The following CNTRL variants were observed in gnomAD, a reference collection of about 807,000 sequenced individuals.
CNTRL encodes the protein centriolin.
In CNTRL, 233 loss-of-function variants were observed where a neutral mutation model predicts 303.7. That is an observed-to-expected ratio of 0.77 (90% confidence interval 0.69 to 0.86). The LOEUF is 0.86. CNTRL is among the 40% of genes least tolerant of loss of function. The pLI is 0.00. For missense variants in CNTRL, 2,524 were observed against 2,650.6 expected, an observed-to-expected ratio of 0.95 and a Z score of 1.05; for synonymous variants, 900 against 922.2, an observed-to-expected ratio of 0.98 and a Z score of 0.44.
rs2052347666 is a variant in CNTRL at position 121,152,685 on chromosome 9, A to G, written c.4164A>G (p.Gln1388=). 6.2e-7 allele frequency: 1 copy of G among 1,602,130 alleles called. No individual in the cohort carries two copies. The highest frequency in any genetic ancestry group is 2.2e-5 in the East Asian group (1 of 44,798). Residue 1388 remains glutamine, a synonymous_variant, in exon 26 of 44, where the codon CAA becomes CAG. Transcript: ENST00000373855. ...TACATAGAACTGTCCAGAAACGTCA[A>G]CAGCAAAAGTAATTAATATATTTTT... ...EELHRTVQKR[Q]QQKDFIDGNV... is the part of the protein sequence containing the mutation.
At position 121,158,021 on chromosome 9, in the gene CNTRL, G is replaced by A. The variant is rs781064546; in HGVS notation, c.4676G>A (p.Arg1559His). ...KLQKDIEMAERNEDHHLQVLK... is the reference protein window; with the variant it reads ...KLQKDIEMAEHNEDHHLQVLK... The stretch of plus-strand genomic sequence containing the variant: ...CAGAAAGACATAGAGATGGCAGAAC[G>A]CAATGAGGATCACCACCTGCAGGTC... Residue 1559 changes from arginine (R) to histidine (H), a missense_variant, in exon 30 of 44, where the codon CGC (arginine) becomes CAC (histidine). By Grantham distance (29) the Arg-to-His change is conservative. Transcript: ENST00000373855. 25 of 1,613,950 alleles carry A rather than the reference G, an allele frequency of 1.5e-5. No homozygotes were observed. The highest frequency in any genetic ancestry group is 4.4e-5 in the South Asian group (4 of 91,076).
intron 26 of CNTRL, among the ~76,000 whole-genome samples, chr9:121,153,125 C>T (rs2052374124): frequency 6.6e-6 from 1 of 152,162 alleles, no homozygotes; most frequent in South Asian, 2.1e-4. Flanking sequence ...AAACTGGTCC[C>T]TTTCTGTCAT....
intron 10 of CNTRL, among the ~76,000 whole-genome samples, chr9:121,114,648 GGA>G (rs977546480): frequency 3.9e-5 from 6 of 152,062 alleles, no homozygotes; most frequent in Admixed American, 6.6e-5. Context: ...TCAACAGCTG[GGA>G]GAGAGAGCTC....
chr9:121,135,152 G>A (rs115196592), intron 14 of CNTRL, among the ~76,000 whole-genome samples: 65 of 152,260 alleles, frequency 4.3e-4, no homozygotes, highest in South Asian at 4.1e-3. Flanking sequence ...CAGAACCATG[G>A]TATGCTAATA....
At chr9:121,083,741 A>G (rs1264165422) in intron 2 of CNTRL, among the ~76,000 whole-genome samples, 3 of 152,254 alleles carry the variant, frequency 2.0e-5, no homozygotes, top group Non-Finnish European at 4.4e-5. Context: ...AGGCTTGTGT[A>G]CACCTTGTAG....
Position 121,168,567 on chromosome 9 carries a change from A to G in CNTRL, c.6070+246A>G, listed in dbSNP as rs569490191. Reference sequence around the variant, plus strand: ...TCTCCTTTGAGAATGCCATCTCAAGAAAGTGGAACATTCACGTGAATAATT... The same window carrying G: ...TCTCCTTTGAGAATGCCATCTCAAGGAAGTGGAACATTCACGTGAATAATT... On this transcript the variant is annotated intron_variant, in intron 38 of 43. Coordinates refer to ENST00000373855, the MANE Select transcript of CNTRL (RefSeq NM_007018.6). Among the ~76,000 whole-genome samples the G allele has an allele frequency of 9.2e-5, 14 of 152,334 alleles. No homozygotes were observed. The South Asian group carries it at 2.7e-3, about 29-fold the overall frequency.
Position 121,169,641 on chromosome 9 carries a change from T to G in CNTRL, c.6101T>G (p.Leu2034Trp). ...CAGCTTTCAGAAAGGGAGCAGCAATTGGTGGAGAAATCAGGTGAGCTGTTG... is the reference window on the plus strand; with the variant it reads ...CAGCTTTCAGAAAGGGAGCAGCAATGGGTGGAGAAATCAGGTGAGCTGTTG... ...KRQLSEREQQ[L>W]VEKSGELLAL... is the part of the protein sequence containing the mutation. The change falls in exon 39 of 44, where the codon TTG becomes TGG. Residue 2034 changes from leucine (L) to tryptophan (W), a missense_variant. Transcript: ENST00000373855. The G allele has an allele frequency of 1.2e-6, 2 of 1,614,140 alleles. No individual in the cohort carries two copies. The highest frequency in any genetic ancestry group is 1.7e-6 in the Non-Finnish European group (2 of 1,180,026).
chr9:121,151,259 C>G (rs2052225717), intron 25 of CNTRL, among the ~76,000 whole-genome samples: 1 of 151,836 alleles, frequency 6.6e-6, no homozygotes, highest in Non-Finnish European at 1.5e-5. Context: ...ATTTTAATGA[C>G]TGTACAACAT....
At chr9:121,083,832 T>C (rs778087147) in intron 2 of CNTRL, among the ~76,000 whole-genome samples, 12 of 152,246 alleles carry the variant, frequency 7.9e-5, no homozygotes, top group Non-Finnish European at 1.5e-4. Flanking sequence ...ATATATGATG[T>C]TACTAAGTTA....
intron 14 of CNTRL, among the ~76,000 whole-genome samples, chr9:121,128,579 C>G (rs1488434609): frequency 6.6e-6 from 1 of 152,128 alleles, no homozygotes; most frequent in Non-Finnish European, 1.5e-5. Context: ...AATTTTCTCC[C>G]ATTCTGTAGG....
chr9:121,152,689 C>T lies in CNTRL; in HGVS notation c.4168C>T (p.Gln1390Ter), dbSNP rs745639587. 6.3e-7 allele frequency: 1 copy of T among 1,595,384 alleles called. No individual in the cohort carries two copies. Among genetic ancestry groups the T allele is most frequent in the Admixed American group, 1.7e-5 (1 of 58,740 alleles). ...TAGAACTGTCCAGAAACGTCAACAG[C>T]AAAAGTAATTAATATATTTTTTATA... Reference protein sequence around the residue: ...LHRTVQKRQQQKDFIDGNVES... With the variant: ...LHRTVQKRQQ Residue 1390 changes from glutamine to a stop codon, truncating the protein, a stop_gained, in exon 26 of 44, where the codon CAA becomes TAA. Transcript: ENST00000373855. LOFTEE classifies it high-confidence loss of function.
intron 14 of CNTRL, 122 bp downstream of exon 14, chr9:121,126,058 AT>A: frequency 2.8e-6 from 2 of 716,330 alleles, no homozygotes; most frequent in East Asian, 2.8e-5. Flanking sequence ...CTATATGGTG[AT>A]TTTTTTCTTT....
chr9:121,173,586 G>T (rs1488797915), intron 41 of CNTRL, 77 bp downstream of exon 41: 1 of 1,609,482 alleles, frequency 6.2e-7, no homozygotes, highest in East Asian at 2.2e-5. Flanking sequence ...ACAGATGTGG[G>T]GGTGCTGGGG....
chr9:121,157,534 C>T lies in CNTRL; in HGVS notation c.4430C>T (p.Ala1477Val). The T allele has an allele frequency of 3.7e-6, 6 of 1,614,052 alleles. No individual in the cohort carries two copies. The highest frequency in any genetic ancestry group is 2.2e-5 in the South Asian group (2 of 91,078). Residue 1477 changes from alanine (A) to valine (V), a missense_variant, in exon 28 of 44, where the codon GCT (alanine) becomes GTT (valine). By Grantham distance (64) the Ala-to-Val change is moderately conservative (BLOSUM62 0). Coordinates refer to ENST00000373855, the MANE Select transcript of CNTRL (RefSeq NM_007018.6). ...AGTTTATTGCAAACTGAGTCAGATG[C>T]TGAGGAATTAGAAAGGAGAGCTCAG... is the stretch of plus-strand genomic sequence containing the variant. The part of the protein sequence containing the change: ...KRSLLQTESD[A>V]EELERRAQET...
At chr9:121,085,115 A>C (rs1010770081) in intron 2 of CNTRL, among the ~76,000 whole-genome samples, 4 of 152,216 alleles carry the variant, frequency 2.6e-5, no homozygotes, top group Non-Finnish European at 5.9e-5. Context: ...GACAAATATG[A>C]ATGGATTTCA....
chr9:121,116,842 C>G (rs935130521), intron 11 of CNTRL, among the ~76,000 whole-genome samples: 3 of 152,048 alleles, frequency 2.0e-5, no homozygotes, highest in Non-Finnish European at 4.4e-5. Context: ...CCAGCTGATT[C>G]CAGGAAACAC....
At position 121,162,090 on chromosome 9, in the gene CNTRL, C is replaced by T. The variant is rs2052879406; in HGVS notation, c.5242C>T (p.Gln1748Ter). 6.2e-7 allele frequency: 1 copy of T among 1,613,998 alleles called. No homozygotes were observed. The change falls in exon 34 of 44, where the codon CAG (glutamine) becomes TAG (stop). Residue 1748 changes from glutamine (Q) to a stop codon, truncating the protein, a stop_gained. Coordinates refer to ENST00000373855, the MANE Select transcript of CNTRL (RefSeq NM_007018.6). LOFTEE classifies it high-confidence loss of function. ...GTTAGAGAATTTGCAGCAGATATCC[C>T]AGCAGCAGAAAGGGGAAATAGAGTG... Reference protein sequence around the residue: ...LELENLQQISQQQKGEIEWQK... With the variant: ...LELENLQQIS
rs753333438 is a variant in CNTRL at position 121,115,136 on chromosome 9, A to G, written c.1391A>G (p.Glu464Gly). Reference sequence around the variant, plus strand: ...CTGCATGATGAAATAGAAAAGGCAGAACAACAAATTTTGAGAGCTACTGAA... The same window carrying G: ...CTGCATGATGAAATAGAAAAGGCAGGACAACAAATTTTGAGAGCTACTGAA... ...SELHDEIEKA[E>G]QQILRATEEF... Residue 464 changes from glutamate to glycine, a missense_variant, in exon 11 of 44, where the codon GAA becomes GGA. Glu to Gly is a moderately conservative substitution (Grantham distance 98). Coordinates refer to ENST00000373855, the MANE Select transcript of CNTRL (RefSeq NM_007018.6). The G allele has an allele frequency of 1.2e-6, 2 of 1,611,870 alleles. No individual in the cohort carries two copies. The highest frequency in any genetic ancestry group is 1.1e-5 in the South Asian group (1 of 90,604).
chr9:121,082,179 C>T (rs1354134440), intron 2 of CNTRL, among the ~76,000 whole-genome samples: 1 of 152,172 alleles, frequency 6.6e-6, no homozygotes, highest in Non-Finnish European at 1.5e-5. Flanking sequence ...TCAGAGAGAT[C>T]CATTCTGCAA....
Sources: gnomAD v4.1 joint callset for allele counts (sites outside exome capture counted in the v4.1 genomes callset) on GRCh38, gnomAD v4.1.1 for gene constraint, MANE v1.5 for transcripts, NCBI Gene and HGNC (gene_info 2026-07-23, HGNC 2026-07-21) for gene names.